Variants in RSPO2 observed in about 807,000 individuals in gnomAD.
RSPO2 encodes R-spondin 2.
Under a neutral mutation model 30.9 loss-of-function variants are expected in RSPO2, and 14 were observed. The observed-to-expected ratio is 0.45, with a 90% CI of 0.30 to 0.71. The LOEUF (loss-of-function observed/expected upper bound fraction) is 0.71, where lower values mean the gene tolerates loss of function less well. RSPO2 is among the 30% of genes least tolerant of loss of function. RSPO2 has a pLI of 0.08. For synonymous variants in RSPO2, 107 were observed against 96.4 expected, an observed-to-expected ratio of 1.11 and a Z score of -0.64; for missense variants, 264 against 301.9, an observed-to-expected ratio of 0.87 and a Z score of 0.93.
Position 108,079,768 on chromosome 8 carries a change from T to C in RSPO2, c.94+2777A>G, listed in dbSNP as rs115908038. On this transcript the variant is annotated intron_variant, in intron 2 of 5. Transcript: ENST00000276659. ...TCCTGGTACCACTGCCACCTACTTG[T>C]AGCACAAAGCCAAGAAAATAACTAA... 4.4e-3 allele frequency among the ~76,000 whole-genome samples: 666 copies of C among 152,092 alleles called. 3 individuals are homozygous for C. The highest frequency in any genetic ancestry group is 0.014 in the Middle Eastern group (4 of 294).
intron 2 of RSPO2, among the ~76,000 whole-genome samples, chr8:108,007,711 T>C (rs537345276): frequency 2.0e-5 from 3 of 152,240 alleles, no homozygotes; most frequent in African/African-American, 7.2e-5. Context: ...GAACAATGTA[T>C]TTCAAATAAA....
chr8:108,080,221 A>G (rs554187083), intron 2 of RSPO2, among the ~76,000 whole-genome samples: 82 of 152,318 alleles, frequency 5.4e-4, no homozygotes, highest in African/African-American at 1.8e-3. Flanking sequence ...AAGTAGTTCC[A>G]CTTTTAATTA....
At chr8:108,019,031 T>C (rs925091723) in intron 2 of RSPO2, among the ~76,000 whole-genome samples, 9 of 152,216 alleles carry the variant, frequency 5.9e-5, no homozygotes, top group Admixed American at 1.3e-4. Flanking sequence ...GAAGCAAACT[T>C]GGTAGAAGAT....
chr8:107,991,267 C>T (rs1410851382), intron 2 of RSPO2, among the ~76,000 whole-genome samples: 3 of 151,372 alleles, frequency 2.0e-5, no homozygotes, highest in Admixed American at 2.0e-4. Context: ...CACACACACA[C>T]ACACACACAC....
chr8:107,912,386 G>A (rs1811852124), intron 5 of RSPO2, among the ~76,000 whole-genome samples: 2 of 152,112 alleles, frequency 1.3e-5, no homozygotes, highest in South Asian at 4.1e-4. Flanking sequence ...TCCCTTCCCT[G>A]GGATCTATTT....
chr8:108,051,739 A>G (rs1812085521), intron 2 of RSPO2, among the ~76,000 whole-genome samples: 1 of 152,232 alleles, frequency 6.6e-6, no homozygotes, highest in African/African-American at 2.4e-5. Context: ...GCCCAGAAAT[A>G]TTCCAAGACT....
intron 2 of RSPO2, among the ~76,000 whole-genome samples, chr8:108,003,243 ATGTATGTATGTG>A (rs1304826555): frequency 0.05 from 2,706 of 54,140 alleles, 162 homozygotes; most frequent in African/African-American, 0.29. Flanking sequence ...GTATATATGT[ATGTATGTATGTG>A]TGTGTGTGTG....
intron 2 of RSPO2, among the ~76,000 whole-genome samples, chr8:108,036,322 G>A (rs1811592618): frequency 6.6e-6 from 1 of 152,176 alleles, no homozygotes; most frequent in Non-Finnish European, 1.5e-5. Context: ...GAGCAGCAAA[G>A]CCTGGATAAC....
intron 2 of RSPO2, among the ~76,000 whole-genome samples, chr8:108,071,088 G>A (rs924347995): frequency 6.6e-6 from 1 of 152,036 alleles, no homozygotes; most frequent in Non-Finnish European, 1.5e-5. Flanking sequence ...CAAGCCTCCT[G>A]AACAGTTATT....
At chr8:108,040,976 G>A (rs1167153839) in intron 2 of RSPO2, among the ~76,000 whole-genome samples, 3 of 152,070 alleles carry the variant, frequency 2.0e-5, no homozygotes, top group African/African-American at 7.2e-5. Context: ...TTGGAGACAT[G>A]GGTTTTTACA....
At chr8:108,062,323 A>G (rs1812496784) in intron 2 of RSPO2, among the ~76,000 whole-genome samples, 1 of 151,904 alleles carries the variant, frequency 6.6e-6, no homozygotes, top group East Asian at 1.9e-4. Context: ...GAGAAGAATC[A>G]AATAGATGCA....
At chr8:107,929,065 G>A (rs1018612187) in intron 5 of RSPO2, among the ~76,000 whole-genome samples, 26 of 152,284 alleles carry the variant, frequency 1.7e-4, no homozygotes, top group African/African-American at 5.5e-4. Context: ...CCAATGCCAC[G>A]GCTGCTGCCA....
intron 2 of RSPO2, among the ~76,000 whole-genome samples, chr8:108,028,610 T>G (rs1039480660): frequency 1.3e-5 from 2 of 152,200 alleles, no homozygotes; most frequent in African/African-American, 2.4e-5. Flanking sequence ...CCATCCTTCT[T>G]AGGAATTTGC....
chr8:107,953,451 G>T (rs1813318805), intron 5 of RSPO2, among the ~76,000 whole-genome samples: 1 of 152,156 alleles, frequency 6.6e-6, no homozygotes, highest in African/African-American at 2.4e-5. Flanking sequence ...ATGACCATTG[G>T]GATATGTTTC....
intron 5 of RSPO2, among the ~76,000 whole-genome samples, chr8:107,945,254 T>C (rs1202965647): frequency 3.8e-5 from 5 of 132,478 alleles, no homozygotes; most frequent in Non-Finnish European, 8.1e-5. Context: ...TTTTTTTTTT[T>C]TTTTTTTTTT....
intron 5 of RSPO2, among the ~76,000 whole-genome samples, chr8:107,934,700 G>A (rs906337541): frequency 6.6e-6 from 1 of 152,096 alleles, no homozygotes; most frequent in Admixed American, 6.6e-5. Flanking sequence ...GACCCCAAAC[G>A]GAGGGACCAG....
intron 5 of RSPO2, among the ~76,000 whole-genome samples, chr8:107,951,758 C>T (rs1813255985): frequency 6.6e-6 from 1 of 152,134 alleles, no homozygotes; most frequent in African/African-American, 2.4e-5. Context: ...GCAAGCAAGG[C>T]TGGCATTCGG....
intron 2 of RSPO2, among the ~76,000 whole-genome samples, chr8:108,035,920 TGCTG>T (rs1811582461): frequency 6.6e-6 from 1 of 152,212 alleles, no homozygotes; most frequent in African/African-American, 2.4e-5. Context: ...TCTATCTATA[TGCTG>T]GCTAATAAAA....
intron 5 of RSPO2, among the ~76,000 whole-genome samples, chr8:107,921,666 C>T (rs895352313): frequency 6.6e-6 from 1 of 151,562 alleles, no homozygotes; most frequent in African/African-American, 2.4e-5. Flanking sequence ...AGAAAACTTC[C>T]AGCCAATATC....
Sources: gnomAD v4.1 joint callset for allele counts (sites outside exome capture counted in the v4.1 genomes callset) on GRCh38, gnomAD v4.1.1 for gene constraint, MANE v1.5 for transcripts, NCBI Gene and HGNC (gene_info 2026-07-23, HGNC 2026-07-21) for gene names.